The following MIPOL1 variants were observed in gnomAD, a reference collection of about 807,000 sequenced individuals.
MIPOL1 encodes mirror-image polydactyly 1, also known as mirror-image polydactyly gene 1 protein.
MIPOL1 carries 57 observed loss-of-function variants against 60.9 expected under a neutral mutation model. That is an observed-to-expected ratio of 0.94 (90% CI 0.76 to 1.17). The LOEUF (loss-of-function observed/expected upper bound fraction) is 1.17, where lower values mean the gene tolerates loss of function less well. Ranked by LOEUF, MIPOL1 falls within the 50% of genes most tolerant of loss-of-function variation. The probability of loss-of-function intolerance (pLI) is 0.00; values close to 1 mark genes in which losing one functional copy is unlikely to be tolerated. For missense variants in MIPOL1, 551 were observed against 511.6 expected (o/e 1.08, Z -0.74); for synonymous variants, 179 against 168.8 (o/e 1.06, Z -0.47).
At chr14:37,279,797 G>A (rs2083956334) in intron 6 of MIPOL1, among the ~76,000 whole-genome samples, 1 of 151,976 alleles carries the variant, frequency 6.6e-6, no homozygotes. Flanking sequence ...TTGGTGATAA[G>A]GACATTTAAA....
intron 1 of MIPOL1, among the ~76,000 whole-genome samples, chr14:37,207,877 C>T (rs538843213): frequency 6.6e-5 from 10 of 152,156 alleles, no homozygotes; most frequent in African/African-American, 2.4e-4. Context: ...CTTGAAAAAC[C>T]AATTATTAAC....
intron 1 of MIPOL1, among the ~76,000 whole-genome samples, chr14:37,232,581 C>T (rs1970802822): frequency 1.3e-5 from 2 of 152,160 alleles, no homozygotes; most frequent in African/African-American, 4.8e-5. Flanking sequence ...CTTCTGTCAA[C>T]ACATACTTGT....
intron 9 of MIPOL1, among the ~76,000 whole-genome samples, chr14:37,311,362 TCC>T (rs1484357882): frequency 6.6e-6 from 1 of 152,160 alleles, no homozygotes; most frequent in Non-Finnish European, 1.5e-5. Context: ...CTATCTTTTC[TCC>T]CTCCACTGAC....
chr14:37,520,756 T>C (rs1299806417), intron 12 of MIPOL1, among the ~76,000 whole-genome samples: 1 of 152,046 alleles, frequency 6.6e-6, no homozygotes, highest in Non-Finnish European at 1.5e-5. Context: ...CATCACATGA[T>C]GTTTGACTTC....
At chr14:37,210,239 T>G (rs560083279) in intron 1 of MIPOL1, among the ~76,000 whole-genome samples, 1 of 152,016 alleles carries the variant, frequency 6.6e-6, no homozygotes, top group South Asian at 2.1e-4. Context: ...TTGGAGATAG[T>G]GTCAGAACCC....
intron 9 of MIPOL1, among the ~76,000 whole-genome samples, chr14:37,354,869 A>C (rs1321880054): frequency 3.2e-5 from 3 of 94,624 alleles, no homozygotes. Flanking sequence ...CCAATTTGCC[A>C]GTCTGTGTCT....
intron 12 of MIPOL1, among the ~76,000 whole-genome samples, chr14:37,535,381 T>C (rs556009423): frequency 3.3e-5 from 5 of 152,308 alleles, no homozygotes; most frequent in Admixed American, 3.3e-4. Context: ...AATCCAAGTT[T>C]CTTGCTGAAT....
At chr14:37,454,694 G>A (rs1594429421) in intron 11 of MIPOL1, among the ~76,000 whole-genome samples, 1 of 152,154 alleles carries the variant, frequency 6.6e-6, no homozygotes, top group Admixed American at 6.5e-5. Flanking sequence ...TGTGATATGA[G>A]AGTTTTCATC....
intron 10 of MIPOL1, among the ~76,000 whole-genome samples, chr14:37,379,392 C>G (rs1950516): frequency 0.99 from 150,354 of 152,154 alleles, 74,312 homozygotes; most frequent in Middle Eastern, 1. Context: ...CAAATTTTTG[C>G]GTCCTTCAGT....
At chr14:37,218,687 G>A (rs1968181238) in intron 1 of MIPOL1, among the ~76,000 whole-genome samples, 1 of 151,968 alleles carries the variant, frequency 6.6e-6, no homozygotes. Context: ...CAGAATCTTA[G>A]CACTTTTGAG....
chr14:37,395,184 A>G (rs2093347514), intron 10 of MIPOL1, among the ~76,000 whole-genome samples: 1 of 152,148 alleles, frequency 6.6e-6, no homozygotes, highest in East Asian at 1.9e-4. Context: ...GTTTGAAATC[A>G]GGTAGTGCAA....
intron 11 of MIPOL1, among the ~76,000 whole-genome samples, chr14:37,495,008 C>T (rs2095099466): frequency 6.6e-6 from 1 of 151,456 alleles, no homozygotes; most frequent in Non-Finnish European, 1.5e-5. Context: ...TGATAGAAGA[C>T]TAGAAAGTGA....
chr14:37,326,787 C>T (rs1287773449), intron 9 of MIPOL1, among the ~76,000 whole-genome samples: 1 of 152,160 alleles, frequency 6.6e-6, no homozygotes, highest in Non-Finnish European at 1.5e-5. Context: ...AATGGATCAT[C>T]CTGTCCACTT....
Position 37,436,505 on chromosome 14 carries a change from G to A in MIPOL1, c.1031+13556G>A, listed in dbSNP as rs574669720. 9.2e-5 allele frequency among the ~76,000 whole-genome samples: 14 copies of A among 152,242 alleles called. No individual in the cohort carries two copies. In the East Asian group the frequency reaches 2.7e-3, roughly 29 times the overall value. On this transcript the variant is annotated intron_variant, in intron 11 of 12. Coordinates refer to ENST00000684589, the MANE Select transcript of MIPOL1 (RefSeq NM_001388067.1). ...ATGAAAATAATAGCTAATAATTGAA[G>A]ACCTTTGTTCAGGAACATTCTGATT... is the stretch of plus-strand genomic sequence containing the variant.
At position 37,411,205 on chromosome 14, in the gene MIPOL1, T is replaced by C. The variant is rs138344986; in HGVS notation, c.937-11650T>C. ...TTTGAAGCTATGAGGTCTTAACATTTTGTTTATTTTGCATTATATTTAATA... is the reference window on the plus strand; with the variant it reads ...TTTGAAGCTATGAGGTCTTAACATTCTGTTTATTTTGCATTATATTTAATA... On this transcript the variant is annotated intron_variant, in intron 10 of 12. Coordinates refer to ENST00000684589, the MANE Select transcript of MIPOL1 (RefSeq NM_001388067.1). Among the ~76,000 whole-genome samples, 3 of 152,278 alleles carry C rather than the reference T, an allele frequency of 2.0e-5. No homozygotes were observed. The East Asian group carries it at 5.8e-4, about 29-fold the overall frequency.
intron 12 of MIPOL1, among the ~76,000 whole-genome samples, chr14:37,515,606 A>T (rs954442455): frequency 7.2e-5 from 11 of 152,222 alleles, no homozygotes; most frequent in African/African-American, 2.7e-4. Context: ...TAAAAATAAC[A>T]TAAAACATTT....
chr14:37,426,572 T>TATACATATATACATATACATAC lies in MIPOL1; in HGVS notation c.1031+3626_1031+3627insCATATATACATATACATACATA, dbSNP rs1555339858. On this transcript the variant is annotated intron_variant, in intron 11 of 12. Coordinates refer to ENST00000684589, the MANE Select transcript of MIPOL1 (RefSeq NM_001388067.1). ...GTGAAACTCTGTCTCAAAATATACA[T>TATACATATATACATATACATAC]ATATATATATATATATATATATACA... Among the ~76,000 whole-genome samples the TATACATATATACATATACATAC allele has an allele frequency of 1.9e-3, 139 of 73,834 alleles. 3 individuals are homozygous for TATACATATATACATATACATAC. Among genetic ancestry groups the TATACATATATACATATACATAC allele is most frequent in the African/African-American group, 4.6e-3 (115 of 25,246 alleles). The allele number at this position is 73,834 out of a possible 152,430, so 48.4% of individuals were successfully genotyped here.
At chr14:37,331,131 C>T (rs937920306) in intron 9 of MIPOL1, among the ~76,000 whole-genome samples, 7 of 151,344 alleles carry the variant, frequency 4.6e-5, no homozygotes, top group African/African-American at 1.5e-4. Context: ...TTTTGATTGC[C>T]ATAGCTTTGT....
At chr14:37,400,702 A>G (rs1179981973) in intron 10 of MIPOL1, 1 of 152,184 alleles carries the variant, frequency 6.6e-6, no homozygotes, top group African/African-American at 2.4e-5. Flanking sequence ...AGGTTTTCTT[A>G]GATCTTGGGA....
Sources: gnomAD v4.1 joint callset for allele counts (sites outside exome capture counted in the v4.1 genomes callset) on GRCh38, gnomAD v4.1.1 for gene constraint, MANE v1.5 for transcripts, NCBI Gene and HGNC (gene_info 2026-07-23, HGNC 2026-07-21) for gene names.